IRAK1BP1: variants seen among roughly 807,000 people sequenced by gnomAD.
The protein encoded by IRAK1BP1 is interleukin-1 receptor-associated kinase 1-binding protein 1.
A neutral mutation model predicts 28.0 loss-of-function variants in IRAK1BP1; 24 were observed. That is an observed-to-expected ratio of 0.86 (90% CI 0.62 to 1.20). IRAK1BP1 has a LOEUF of 1.20. Among genes scored for constraint, IRAK1BP1 ranks in the 50% most tolerant of loss-of-function variants. The pLI is 0.00. For missense variants in IRAK1BP1, 336 were observed against 316.7 expected (o/e 1.06, Z -0.46); for synonymous variants, 131 against 116.3 (o/e 1.13, Z -0.81).
At chr6:78,910,690 C>T (rs1772384085) in intron 4 of IRAK1BP1, among the ~76,000 whole-genome samples, 1 of 152,250 alleles carries the variant, frequency 6.6e-6, no homozygotes, top group Admixed American at 6.5e-5. Context: ...GGCTCCCGCT[C>T]CTCACCTCGG....
the IRAK1BP1 span, chr6:78,957,639 T>C: frequency 1.3e-5 from 2 of 150,054 alleles, no homozygotes; most frequent in East Asian, 3.9e-4. Context: ...TGAAAGCTGA[T>C]AACAGCTAAG....
At chr6:78,868,703 C>G (rs567653906) in intron 1 of IRAK1BP1, among the ~76,000 whole-genome samples, 2 of 152,176 alleles carry the variant, frequency 1.3e-5, no homozygotes, top group African/African-American at 4.8e-5. Context: ...AAACAATGCT[C>G]TGAACTTTAG....
At chr6:78,965,896 A>C in the IRAK1BP1 span, 1 of 1,405,246 alleles carries the variant, frequency 7.1e-7, no homozygotes, top group Non-Finnish European at 1.0e-6. Flanking sequence ...TGGAAAAAAA[A>C]ATTCAAAGCA....
In IRAK1BP1 at chr6:78,889,933, G is replaced by A. The variant is rs138065190; in HGVS notation, c.381+4490G>A. ...TCTCATTACTGGATATATACCCAAA[G>A]GATTATAAATCATTCTACTGTAAAG... On this transcript the variant is annotated intron_variant, in intron 2 of 3. Transcript: ENST00000369940. 5.9e-3 allele frequency among the ~76,000 whole-genome samples: 895 copies of A among 152,108 alleles called. 4 individuals are homozygous for A. Among genetic ancestry groups the A allele is most frequent in the African/African-American group, 0.02 (825 of 41,470 alleles).
chr6:78,954,805 A>G, the IRAK1BP1 span: 43 of 1,561,352 alleles, frequency 2.8e-5, no homozygotes, highest in Non-Finnish European at 3.6e-5. Flanking sequence ...TATTTTCAAA[A>G]ATACTTACTG....
intron 2 of IRAK1BP1, among the ~76,000 whole-genome samples, chr6:78,887,638 C>G (rs1438409787): frequency 6.6e-6 from 1 of 151,994 alleles, no homozygotes; most frequent in Non-Finnish European, 1.5e-5. Context: ...TGCACTCCAG[C>G]CTGGGCGACA....
chr6:78,968,614 A>C, the IRAK1BP1 span, among the ~76,000 whole-genome samples: 2 of 152,232 alleles, frequency 1.3e-5, no homozygotes, highest in Admixed American at 1.3e-4. Flanking sequence ...CTGTGCATAA[A>C]AAGTATGTGT....
rs138622454 is a variant in IRAK1BP1 at position 78,933,960 on chromosome 6, T to C, written c.*68-11448T>C. Among the ~76,000 whole-genome samples the C allele has an allele frequency of 3.2e-4, 49 of 152,338 alleles. No homozygotes were observed. In the East Asian group the frequency reaches 8.7e-3, roughly 27 times the overall value. ...TCAGCTTTCAGCCTCTCTTGGCTTT[T>C]GACATGCCTTTTTCACTAAGCTTAA... On this transcript the variant is annotated intron_variant and NMD_transcript_variant, in intron 4 of 4. Transcript: ENST00000606868.
chr6:78,936,659 A>G (rs908639407), intron 4 of IRAK1BP1: 8 of 151,948 alleles, frequency 5.3e-5, no homozygotes, highest in East Asian at 1.9e-4. Context: ...ACTAAAAATA[A>G]TATCTATTTA....
At chr6:78,946,064 T>C in exon 5 of IRAK1BP1, 2 of 1,612,506 alleles carry the variant, frequency 1.2e-6, no homozygotes, top group South Asian at 1.1e-5. Context: ...GCTGAAGAAG[T>C]AGATGGTTGC....
At chr6:78,940,837 CCTT>C in intron 4 of IRAK1BP1, 1 of 1,613,974 alleles carries the variant, frequency 6.2e-7, no homozygotes, top group Non-Finnish European at 8.5e-7. Context: ...AGAAAGCTGT[CCTT>C]CGACCTTGAT....
the IRAK1BP1 span, among the ~76,000 whole-genome samples, chr6:78,968,043 T>C: frequency 6.6e-6 from 1 of 151,320 alleles, no homozygotes; most frequent in South Asian, 2.1e-4. Context: ...GAGGCTGAGG[T>C]AGAATGGTGT....
chr6:78,969,859 C>T, the IRAK1BP1 span: 4 of 1,581,070 alleles, frequency 2.5e-6, no homozygotes, highest in Non-Finnish European at 3.5e-6. Context: ...CTGTATTTTG[C>T]ATCATCAAAT....
chr6:78,886,629 A>G (rs913027685), intron 2 of IRAK1BP1, among the ~76,000 whole-genome samples: 5 of 152,296 alleles, frequency 3.3e-5, no homozygotes, highest in African/African-American at 9.6e-5. Context: ...GAAGCAAGTT[A>G]TCTTAGTTAA....
At chr6:78,894,195 G>C (rs1771798345) in intron 2 of IRAK1BP1, among the ~76,000 whole-genome samples, 1 of 151,998 alleles carries the variant, frequency 6.6e-6, no homozygotes, top group Non-Finnish European at 1.5e-5. Context: ...AAAGAAAACA[G>C]AAAATGAGTA....
At chr6:78,924,105 C>T (rs1319565587) in intron 4 of IRAK1BP1, among the ~76,000 whole-genome samples, 2 of 152,052 alleles carry the variant, frequency 1.3e-5, no homozygotes, top group Non-Finnish European at 2.9e-5. Context: ...ACAAAAAACC[C>T]TTCAAAAAAT....
chr6:78,970,466 A>T, the IRAK1BP1 span, among the ~76,000 whole-genome samples: 1 of 152,180 alleles, frequency 6.6e-6, no homozygotes, highest in Admixed American at 6.5e-5. Flanking sequence ...TTGGTAACTG[A>T]ACTACTGATG....
chr6:78,886,078 T>A (rs1771424866), intron 2 of IRAK1BP1, among the ~76,000 whole-genome samples: 1 of 152,182 alleles, frequency 6.6e-6, no homozygotes. Context: ...ACGTGCCACC[T>A]CCTTGTAACA....
chr6:78,960,123 T>C, the IRAK1BP1 span, among the ~76,000 whole-genome samples: 4 of 152,122 alleles, frequency 2.6e-5, no homozygotes, highest in African/African-American at 4.8e-5. Context: ...AATTCAAAAT[T>C]TGAAGTATGG....
Sources: gnomAD v4.1 joint callset for allele counts (sites outside exome capture counted in the v4.1 genomes callset) on GRCh38, gnomAD v4.1.1 for gene constraint, MANE v1.5 for transcripts, NCBI Gene and HGNC (gene_info 2026-07-23, HGNC 2026-07-21) for gene names.